The following MGAM2 variants were observed in gnomAD, a reference collection of about 807,000 sequenced individuals.
MGAM2 encodes the protein maltase-glucoamylase 2 (putative), also known as probable maltase-glucoamylase 2.
In MGAM2, 98 loss-of-function variants were observed where a neutral mutation model predicts 96.1. That is an observed-to-expected ratio of 1.02 (90% CI 0.87 to 1.21). The LOEUF is 1.21. MGAM2 is among the 50% of genes most tolerant of loss of function. The probability of loss-of-function intolerance (pLI) is 0.00; values close to 1 mark genes in which losing one functional copy is unlikely to be tolerated. For missense variants in MGAM2, 2,055 were observed against 1,182.4 expected (o/e 1.74, Z -10.82); for synonymous variants, 749 against 414.8 (o/e 1.81, Z -9.79).
chr7:142,196,876 C>T, intron 40 of MGAM2, 60 bp downstream of exon 40: 2 of 707,040 alleles, frequency 2.8e-6, no homozygotes, highest in Non-Finnish European at 2.6e-6. Flanking sequence ...TTCTTTTTAA[C>T]CCCCAGGACT....
chr7:142,187,488 G>A (rs1011317503), intron 35 of MGAM2, among the ~76,000 whole-genome samples: 6 of 152,196 alleles, frequency 3.9e-5, no homozygotes, highest in African/African-American at 9.7e-5. Flanking sequence ...ATCCTTGTAA[G>A]TTTTAAAATG....
chr7:142,149,963 C>T (rs1398561504), intron 15 of MGAM2, among the ~76,000 whole-genome samples: 2 of 149,876 alleles, frequency 1.3e-5, no homozygotes, highest in African/African-American at 4.9e-5. Context: ...TTTTTTGAGA[C>T]AGAGTTTCGC....
chr7:142,114,198 GAAAGAAAGAAAGAA>G (rs1471854638), intron 1 of MGAM2, among the ~76,000 whole-genome samples: 12 of 138,726 alleles, frequency 8.7e-5, no homozygotes, highest in African/African-American at 3.2e-4. Context: ...AAGAAAGAAA[GAAAGAAAGAAAGAA>G]AGAGAGAAAG....
At chr7:142,121,369 G>T (rs1196074495) in intron 3 of MGAM2, among the ~76,000 whole-genome samples, 1 of 152,052 alleles carries the variant, frequency 6.6e-6, no homozygotes, top group African/African-American at 2.4e-5. Flanking sequence ...GTAGAGGCAG[G>T]GTTTCACCGT....
intron 31 of MGAM2, among the ~76,000 whole-genome samples, chr7:142,174,713 C>CTTTTTTTTTTTTTT (rs1410980226): frequency 3.8e-5 from 3 of 78,258 alleles, no homozygotes; most frequent in Admixed American, 2.5e-4. Context: ...CTCTCTCTCT[C>CTTTTTTTTTTTTTT]TCTTTTTTTT....
At chr7:142,117,302 T>C (rs1039226624) in intron 2 of MGAM2, among the ~76,000 whole-genome samples, 4 of 152,098 alleles carry the variant, frequency 2.6e-5, no homozygotes, top group Non-Finnish European at 5.9e-5. Context: ...ACTGTTAAGC[T>C]AACAGTGCCC....
intron 46 of MGAM2, among the ~76,000 whole-genome samples, chr7:142,217,030 C>T (rs1450956708): frequency 6.6e-6 from 1 of 152,100 alleles, no homozygotes; most frequent in Non-Finnish European, 1.5e-5. Flanking sequence ...ATAATAAATC[C>T]TTCCCATGCT....
intron 45 of MGAM2, among the ~76,000 whole-genome samples, chr7:142,202,322 C>T (rs1428923594): frequency 6.6e-6 from 1 of 152,118 alleles, no homozygotes; most frequent in Non-Finnish European, 1.5e-5. Flanking sequence ...TTTATAATTT[C>T]AACTTTTATT....
intron 46 of MGAM2, among the ~76,000 whole-genome samples, chr7:142,216,025 G>A (rs925423084): frequency 6.6e-6 from 1 of 151,860 alleles, no homozygotes; most frequent in Admixed American, 6.6e-5. Flanking sequence ...ATTACATTGT[G>A]TTATTTTTTA....
At chr7:142,197,171 G>A (rs1797070382) in intron 40 of MGAM2, among the ~76,000 whole-genome samples, 1 of 152,168 alleles carries the variant, frequency 6.6e-6, no homozygotes, top group African/African-American at 2.4e-5. Context: ...CACATGTAGA[G>A]GGCCAGAGCT....
intron 46 of MGAM2, among the ~76,000 whole-genome samples, chr7:142,216,998 C>T (rs1797782733): frequency 6.6e-6 from 1 of 152,178 alleles, no homozygotes; most frequent in Admixed American, 6.5e-5. Flanking sequence ...CAATGTGTCC[C>T]TGTACCCCTA....
chr7:142,115,763 T>C (rs1322119879), intron 1 of MGAM2, among the ~76,000 whole-genome samples: 1 of 152,020 alleles, frequency 6.6e-6, no homozygotes, highest in Non-Finnish European at 1.5e-5. Context: ...GAGAATTGGG[T>C]GAACCCAGGA....
chr7:142,198,269 C>G, intron 43 of MGAM2, 74 bp downstream of exon 43: 1 of 661,536 alleles, frequency 1.5e-6, no homozygotes, highest in East Asian at 2.7e-5. Context: ...CCTTCTATTT[C>G]CAAGCACATA....
At chr7:142,197,611 G>T (rs1350415071) in intron 41 of MGAM2, 33 bp from the exon 42 acceptor site, 1 of 702,906 alleles carries the variant, frequency 1.4e-6, no homozygotes, top group South Asian at 1.5e-5. Context: ...GTCATAAGAG[G>T]ATAGGTGAAT....
chr7:142,221,529 A>C lies in MGAM2; in HGVS notation c.7018A>C (p.Thr2340Pro). Residue 2340 changes from threonine (T) to proline (P), a missense_variant, in exon 48 of 48, where the codon ACC (threonine) becomes CCC (proline). By Grantham distance (38) the Thr-to-Pro change is conservative. Coordinates refer to ENST00000477922, the MANE Select transcript of MGAM2 (RefSeq NM_001293626.2). The part of the protein sequence containing the change: ...TNFTTPTNAN[T>P]IIFNTLDTKS... ...TTTTACTACCCCTACAAATGCAAAC[A>C]CCATTATTTTCAACACTCTTGATAC... 1 of 540,552 alleles carries C rather than the reference A, an allele frequency of 1.8e-6. No homozygotes were observed. The highest frequency in any genetic ancestry group is 3.1e-5 in the South Asian group (1 of 32,502). 33.5% of individuals were successfully genotyped at this position (540,552 alleles called of 1,614,324 possible). A position where few individuals can be genotyped will look rare whatever the true frequency, so the allele number is the denominator to read the frequency against.
chr7:142,191,145 A>T (rs975138996), intron 37 of MGAM2, among the ~76,000 whole-genome samples: 2 of 146,696 alleles, frequency 1.4e-5, no homozygotes, highest in Admixed American at 6.9e-5. Context: ...AAAAAAAAAA[A>T]TTATTGGATC....
chr7:142,153,246 CG>C (rs1795638438), intron 15 of MGAM2, among the ~76,000 whole-genome samples: 1 of 152,152 alleles, frequency 6.6e-6, no homozygotes, highest in Non-Finnish European at 1.5e-5. Flanking sequence ...GTGATCCACC[CG>C]CCTCAGCCTC....
intron 3 of MGAM2, among the ~76,000 whole-genome samples, chr7:142,126,901 TAAG>T (rs569325359): frequency 2.6e-3 from 392 of 152,310 alleles, no homozygotes; most frequent in Non-Finnish European, 4.0e-3. Context: ...TTGAATATAA[TAAG>T]AAGTCCCAAA....
chr7:142,200,345 C>G (rs112795544), intron 45 of MGAM2, among the ~76,000 whole-genome samples: 61 of 152,266 alleles, frequency 4.0e-4, no homozygotes, highest in Middle Eastern at 3.4e-3. Flanking sequence ...ATACCAGGCA[C>G]CCTGTTCCTC....
Sources: gnomAD v4.1 joint callset for allele counts (sites outside exome capture counted in the v4.1 genomes callset) on GRCh38, gnomAD v4.1.1 for gene constraint, MANE v1.5 for transcripts, NCBI Gene and HGNC (gene_info 2026-07-23, HGNC 2026-07-21) for gene names.